Variants in FADS2 observed in about 807,000 individuals in gnomAD.
FADS2 encodes fatty acid desaturase 2, also known as acyl-CoA 6-desaturase.
Under a neutral mutation model 61.2 loss-of-function variants are expected in FADS2, and 18 were observed. The observed-to-expected ratio is 0.29, with a 90% CI of 0.20 to 0.44. FADS2 has a LOEUF of 0.44. Ranked by LOEUF, FADS2 falls within the 20% of genes least tolerant of loss-of-function variation. The pLI is 1.00. For missense variants in FADS2, 322 were observed against 572.7 expected (o/e 0.56, Z 4.47); for synonymous variants, 203 against 223.9 (o/e 0.91, Z 0.83).
At chr11:61,860,592 C>T (rs1039116472) in intron 7 of FADS2, among the ~76,000 whole-genome samples, 47 of 152,182 alleles carry the variant, frequency 3.1e-4, no homozygotes, top group African/African-American at 1.1e-3. Flanking sequence ...CTGAAACCAG[C>T]GATCTCTGTG....
chr11:61,828,162 G>T (rs1778092546), upstream of FADS2: 2 of 1,405,412 alleles, frequency 1.4e-6, no homozygotes, highest in African/African-American at 1.5e-5. This position sits in a 1 kb window ranked among gnomAD's most constrained non-coding sequence, Gnocchi z 6.4. Context: ...GAAGGGGACC[G>T]CTTGGGGGCA....
chr11:61,840,447 G>A lies in FADS2; in HGVS notation c.432G>A (p.Glu144=). ...LLLLAHIIAL[E]SIAWFTVFYF... ...TCCTGGCCCACATCATCGCCCTGGA[G>A]AGCATTGCATGGTTCACTGTCTTTT... The change falls in exon 3 of 12, where the codon GAG becomes GAA. Residue 144 remains glutamate (E), a synonymous_variant. Transcript: ENST00000278840. The A allele has an allele frequency of 6.2e-7, 1 of 1,614,184 alleles. No individual in the cohort carries two copies. The highest frequency in any genetic ancestry group is 1.3e-5 in the African/African-American group (1 of 75,028).
Position 61,816,347 on chromosome 11 carries a change from C to T in FADS2, c.62C>T (p.Thr21Ile). ...TGCGTGTTGTTGGCCTCCATCCCCA[C>T]TCCCCAGACTCCACTTCTCCAGGCC... Residue 21 changes from threonine (T) to isoleucine (I), a missense_variant, in exon 1 of 12, where the codon ACT becomes ATT. Coordinates refer to the FADS2 transcript ENST00000257261. The surrounding 1 kb of genome is among the most constrained non-coding windows in gnomAD (Gnocchi z 7.0). 1.5e-5 allele frequency: 24 copies of T among 1,598,402 alleles called. No individual in the cohort carries two copies. Among genetic ancestry groups the T allele is most frequent in the Non-Finnish European group, 1.9e-5 (23 of 1,179,772 alleles).
At chr11:61,853,182 A>AC (rs948870487) in intron 5 of FADS2, among the ~76,000 whole-genome samples, 2 of 150,820 alleles carry the variant, frequency 1.3e-5, no homozygotes, top group Non-Finnish European at 3.0e-5. Context: ...AACAACAACA[A>AC]AACAAAACAA....
upstream of FADS2, among the ~76,000 whole-genome samples, chr11:61,825,416 G>C (rs184759997): frequency 3.3e-3 from 508 of 152,146 alleles, 1 homozygote; most frequent in African/African-American, 0.012. Flanking sequence ...TCAGGAGTTT[G>C]AGACCAGCCT....
chr11:61,836,064 C>T (rs2135958455), intron 1 of FADS2, among the ~76,000 whole-genome samples: 1 of 152,272 alleles, frequency 6.6e-6, no homozygotes, highest in South Asian at 2.1e-4. Context: ...GAGAGCCTGT[C>T]ACATTAAAGA....
intron 1 of FADS2, among the ~76,000 whole-genome samples, chr11:61,836,700 C>T (rs1176879100): frequency 6.6e-6 from 1 of 152,216 alleles, no homozygotes; most frequent in Non-Finnish European, 1.5e-5. Flanking sequence ...ATTTTAGTCT[C>T]TTTTAATCTA....
rs770421234 is a variant in FADS2, at chr11:61,816,422, A to T, written c.137A>T (p.Gln46Leu). ...TCCGCAGGACACCCAATCACCGGGC[A>T]ACAGGTATGATCAGGCGCCTCCGGG... Residue 46 changes from glutamine (Q) to leucine (L), a missense_variant, in exon 1 of 12, where the codon CAA (glutamine) becomes CTA (leucine). By Grantham distance (113) the Gln-to-Leu change is moderately radical (BLOSUM62 -2). Transcript: ENST00000257261. This position sits in a 1 kb window ranked among gnomAD's most constrained non-coding sequence, Gnocchi z 7.0. 3 of 1,598,650 alleles carry T rather than the reference A, an allele frequency of 1.9e-6. No individual in the cohort carries two copies. Among genetic ancestry groups the T allele is most frequent in the Non-Finnish European group, 2.5e-6 (3 of 1,179,822 alleles).
At chr11:61,837,692 C>G (rs1275235768) in intron 1 of FADS2, 86 bp from the exon 2 acceptor site, 6 of 865,208 alleles carry the variant, frequency 6.9e-6, no homozygotes, top group African/African-American at 1.7e-5. Context: ...ACACATGGAG[C>G]TGTTGCTGGT....
rs520298 is a variant in FADS2 at position 61,863,810 on chromosome 11, C to A, written c.1157+24C>A. The A allele has an allele frequency of 5.0e-6, 8 of 1,594,538 alleles. No individual in the cohort carries two copies. In the East Asian group the frequency reaches 1.8e-4, roughly 36 times the overall value. On this transcript the variant is annotated intron_variant, in intron 10 of 11. Coordinates refer to ENST00000278840, the MANE Select transcript of FADS2 (RefSeq NM_004265.4). ...CAGTGAGCGCGGGGCTGCGGGGAGG[C>A]GGGGAGACCCACAGCGGGAGGGAAG...
chr11:61,840,269 C>T (rs769538462), intron 2 of FADS2, 65 bp from the exon 3 acceptor site: 116 of 1,364,488 alleles, frequency 8.5e-5, no homozygotes, highest in Non-Finnish European at 1.1e-4. Flanking sequence ...AATGGCAGCT[C>T]GAGACATATG....
chr11:61,865,269 C>T lies in FADS2; in HGVS notation c.1275C>T (p.Asp425=). 3 of 1,613,234 alleles carry T rather than the reference C, an allele frequency of 1.9e-6. No individual in the cohort carries two copies. The highest frequency in any genetic ancestry group is 2.5e-6 in the Non-Finnish European group (3 of 1,179,970). The stretch of plus-strand genomic sequence containing the variant: ...AGCCGCTACTGAGGGCCCTGCTGGA[C>T]ATCATCAGGTGAGGGGTGGAGGTCC... ...QEKPLLRALL[D]IIRSLKKSGK... Residue 425 remains aspartate (D), a synonymous_variant, in exon 11 of 12, where the codon GAC becomes GAT. Coordinates refer to ENST00000278840, the MANE Select transcript of FADS2 (RefSeq NM_004265.4). This position sits in a 1 kb window ranked among gnomAD's most constrained non-coding sequence, Gnocchi z 4.1.
At chr11:61,859,120 T>C (rs1020183400) in intron 7 of FADS2, among the ~76,000 whole-genome samples, 14 of 151,932 alleles carry the variant, frequency 9.2e-5, no homozygotes, top group African/African-American at 3.4e-4. Flanking sequence ...TACAATGGCG[T>C]GATCTCGGCT....
chr11:61,829,538 T>G (rs1395348690), intron 1 of FADS2, among the ~76,000 whole-genome samples: 1 of 152,214 alleles, frequency 6.6e-6, no homozygotes, highest in Non-Finnish European at 1.5e-5. Flanking sequence ...GACCCCAGTC[T>G]GAAATCCTGG....
intron 1 of FADS2, among the ~76,000 whole-genome samples, chr11:61,821,007 C>T (rs2067032779): frequency 6.6e-6 from 1 of 152,186 alleles, no homozygotes; most frequent in African/African-American, 2.4e-5. Flanking sequence ...GTGTTGCCCT[C>T]TCATCTCCTT....
At chr11:61,825,862 T>C (rs1020360701), upstream of FADS2, among the ~76,000 whole-genome samples, 1 of 151,074 alleles carries the variant, frequency 6.6e-6, no homozygotes, top group African/African-American at 2.4e-5. Flanking sequence ...CACTGCACTC[T>C]AGCCTGGGCA....
intron 4 of FADS2, 52 bp from the exon 5 acceptor site, chr11:61,848,107 C>T: frequency 6.2e-7 from 1 of 1,612,958 alleles, no homozygotes. Context: ...TACAAGCGAG[C>T]TCGGTTCCCT....
chr11:61,856,938 A>G (rs977874284), intron 5 of FADS2, 73 bp from the exon 6 acceptor site: 4 of 1,166,998 alleles, frequency 3.4e-6, no homozygotes, highest in South Asian at 1.2e-5. Context: ...TGGTGGCTGC[A>G]GGATGGGTTG....
rs535388755 is a variant in FADS2 at position 61,816,793 on chromosome 11, G to C, written c.141+367G>C. The C allele has an allele frequency of 2.1e-5, 31 of 1,505,806 alleles. No individual in the cohort carries two copies. In the African/African-American group the frequency reaches 4.5e-4, roughly 22 times the overall value. 93.3% of individuals were successfully genotyped at this position (1,505,806 alleles called of 1,614,324 possible). Reference sequence around the variant, plus strand: ...GGCGACGCCGCGCGCCGGGCCAGCAGGGGCTGTCAGGCGCGTGCTCGGGGT... The same window carrying C: ...GGCGACGCCGCGCGCCGGGCCAGCACGGGCTGTCAGGCGCGTGCTCGGGGT... On this transcript the variant is annotated intron_variant, in intron 1 of 11. Transcript: ENST00000257261. This position sits in a 1 kb window ranked among gnomAD's most constrained non-coding sequence, Gnocchi z 7.0.
Sources: allele counts gnomAD v4.1 joint callset (sites outside exome capture counted in the v4.1 genomes callset), GRCh38; gene constraint gnomAD v4.1.1; non-coding constraint Gnocchi (gnomAD v3.1); transcripts MANE v1.5; gene names NCBI Gene and HGNC (gene_info 2026-07-23, HGNC 2026-07-21).